Variants in OVCH1 observed in about 807,000 individuals in gnomAD.
OVCH1 encodes the protein ovochymase 1.
Under a neutral mutation model 138.4 loss-of-function variants are expected in OVCH1, and 139 were observed. That is an observed-to-expected ratio of 1.00 (90% CI 0.87 to 1.16). The LOEUF (loss-of-function observed/expected upper bound fraction) is 1.16. Ranked by LOEUF, OVCH1 falls within the 50% of genes most tolerant of loss-of-function variation. The pLI is 0.00. For synonymous variants in OVCH1, 453 were observed against 467.8 expected, an observed-to-expected ratio of 0.97 and a Z score of 0.41; for missense variants, 1,367 against 1,357.9, an observed-to-expected ratio of 1.01 and a Z score of -0.11.
chr12:29,440,869 A>G (rs1299747753), intron 25 of OVCH1, 125 bp from the exon 26 acceptor site: 2 of 417,118 alleles, frequency 4.8e-6, no homozygotes, highest in Admixed American at 2.6e-5. Flanking sequence ...CCCTACCTGC[A>G]TGGAGAGTGA....
Position 29,433,930 on chromosome 12 carries a change from T to C in OVCH1, c.3265-117A>G. On this transcript the variant is annotated intron_variant, in intron 26 of 27. Coordinates refer to ENST00000318184, the Ensembl canonical transcript of OVCH1. ...GGGCAGTAAAGCAAAGCCTGCTGGC[T>C]GATTAAAAAAAAATGAGTGTGAATG... 6.7e-6 allele frequency: 6 copies of C among 889,084 alleles called. No individual in the cohort carries two copies. In the South Asian group the frequency reaches 1.3e-4, roughly 19 times the overall value. The allele number at this position is 889,084 out of a possible 1,614,324, so 55.1% of individuals were successfully genotyped here.
At chr12:29,489,728 G>C (rs1364297924) in exon 6 of OVCH1, 2 of 1,610,966 alleles carry the variant, frequency 1.2e-6, no homozygotes, top group South Asian at 1.1e-5. Context: ...TGTCATCCAT[G>C]ATGGGAAGTT....
chr12:29,418,717 A>G (rs1941063433), intron 3 of OVCH1, among the ~76,000 whole-genome samples: 1 of 152,206 alleles, frequency 6.6e-6, no homozygotes, highest in Non-Finnish European at 1.5e-5. Flanking sequence ...ACTGCTTCCC[A>G]TGTTCCAGAG....
At chr12:29,452,817 G>A (rs1941835154) in intron 21 of OVCH1, among the ~76,000 whole-genome samples, 1 of 152,114 alleles carries the variant, frequency 6.6e-6, no homozygotes, top group Non-Finnish European at 1.5e-5. Flanking sequence ...AGTTAGTAGC[G>A]GGAGTGGGTG....
intron 4 of OVCH1, among the ~76,000 whole-genome samples, chr12:29,492,684 T>G (rs1228627640): frequency 6.6e-6 from 1 of 152,122 alleles, no homozygotes. Flanking sequence ...AAGAGAAGAA[T>G]CAAGGATGAA....
At chr12:29,475,803 TAA>T (rs1281704763) in intron 13 of OVCH1, among the ~76,000 whole-genome samples, 2 of 152,202 alleles carry the variant, frequency 1.3e-5, no homozygotes, top group African/African-American at 4.8e-5. Context: ...TTTGAAGTTT[TAA>T]AAGTCTTAAA....
rs757760935 is a variant in OVCH1, at chr12:29,477,101, C to G, written c.1377+1G>C. 9.4e-6 allele frequency: 15 copies of G among 1,602,136 alleles called. No individual in the cohort carries two copies. The highest frequency in any genetic ancestry group is 1.3e-5 in the Non-Finnish European group (15 of 1,174,110). On this transcript the variant is annotated splice_donor_variant, in intron 12 of 27. Transcript: ENST00000318184. LOFTEE classifies it high-confidence loss of function. ...GGTAGAGCGATTCCTCAGTTGCCTA[C>G]CTTTATAATGTGCTTCTCTGGAGCA...
downstream of OVCH1, chr12:29,412,428 C>G (rs1447331842): frequency 6.6e-6 from 1 of 152,494 alleles, no homozygotes; most frequent in Non-Finnish European, 1.5e-5. Context: ...ACGCTGGGAG[C>G]TGTAGACTGG....
At chr12:29,435,227 G>T (rs1258196501) in intron 26 of OVCH1, among the ~76,000 whole-genome samples, 1 of 152,116 alleles carries the variant, frequency 6.6e-6, no homozygotes, top group African/African-American at 2.4e-5. Context: ...CCCGTGGCGT[G>T]AGCCTGTAGT....
intron 25 of OVCH1, among the ~76,000 whole-genome samples, chr12:29,442,905 T>C (rs1941524315): frequency 6.6e-6 from 1 of 152,080 alleles, no homozygotes; most frequent in Non-Finnish European, 1.5e-5. Context: ...AAAGATGTTT[T>C]TCCCAAATTA....
intron 22 of OVCH1, among the ~76,000 whole-genome samples, chr12:29,450,740 A>T (rs998232029): frequency 1.3e-5 from 2 of 152,158 alleles, no homozygotes; most frequent in Non-Finnish European, 2.9e-5. Context: ...AGCACTCTTC[A>T]CAATAGCAAA....
chr12:29,476,383 G>C, intron 12 of OVCH1, 84 bp from the exon 13 acceptor site: 1 of 1,137,102 alleles, frequency 8.8e-7, no homozygotes, highest in Non-Finnish European at 1.3e-6. Context: ...GTATTTAAAG[G>C]CTCTTTGTCA....
At position 29,487,686 on chromosome 12, in the gene OVCH1, C is replaced by T; in HGVS notation, c.892+7G>A. On this transcript the variant is annotated splice_region_variant and intron_variant, in intron 7 of 27. Transcript: ENST00000318184. ...AGGATGAGATGAGGAAGAAAGAATT[C>T]ACCTACCTGTGAACAGGTTTTGAGT... is the stretch of plus-strand genomic sequence containing the variant. 6.3e-7 allele frequency: 1 copy of T among 1,580,174 alleles called. No homozygotes were observed. The highest frequency in any genetic ancestry group is 8.6e-7 in the Non-Finnish European group (1 of 1,160,312).
chr12:29,408,648 G>C (rs1488720990), downstream of OVCH1, among the ~76,000 whole-genome samples: 1 of 118,892 alleles, frequency 8.4e-6, no homozygotes, highest in Non-Finnish European at 1.9e-5. Flanking sequence ...TTGCATCCCA[G>C]GGATGAAGCC....
exon 16 of OVCH1, chr12:29,471,870 G>A (rs1175925620): frequency 5.0e-6 from 8 of 1,613,000 alleles, no homozygotes; most frequent in South Asian, 1.1e-5. Flanking sequence ...ATTGGTAATC[G>A]CCTAGAAACC....
chr12:29,429,052 T>C (rs1941225679), intron 27 of OVCH1, among the ~76,000 whole-genome samples: 1 of 152,178 alleles, frequency 6.6e-6, no homozygotes, highest in Non-Finnish European at 1.5e-5. Context: ...ATTAATTTCT[T>C]AGTCCTCAGC....
chr12:29,455,372 C>T (rs1243703809), exon 20 of OVCH1: 1 of 1,613,586 alleles, frequency 6.2e-7, no homozygotes, highest in African/African-American at 1.3e-5. Context: ...GGACCATTTT[C>T]ATGTCTACAT....
At chr12:29,451,380 A>G in exon 22 of OVCH1, 1 of 1,613,156 alleles carries the variant, frequency 6.2e-7, no homozygotes, top group Non-Finnish European at 8.5e-7. Flanking sequence ...TTCTTCATAA[A>G]TAATTAGAAC....
At chr12:29,486,179 A>G (rs1048358651) in intron 8 of OVCH1, 71 bp downstream of exon 8, 4 of 1,374,354 alleles carry the variant, frequency 2.9e-6, no homozygotes, top group African/African-American at 2.9e-5. Flanking sequence ...ATATGGTACA[A>G]TCCTCCTGTT....
Sources: allele counts gnomAD v4.1 joint callset (sites outside exome capture counted in the v4.1 genomes callset), GRCh38; gene constraint gnomAD v4.1.1; transcripts MANE v1.5; gene names NCBI Gene and HGNC (gene_info 2026-07-23, HGNC 2026-07-21).